SEMA6A: variants seen among roughly 807,000 people sequenced by gnomAD.
SEMA6A encodes the protein semaphorin 6A.
A neutral mutation model predicts 96.8 loss-of-function variants in SEMA6A; 25 were observed. The observed-to-expected ratio is 0.26, with a 90% CI of 0.19 to 0.36. The LOEUF (loss-of-function observed/expected upper bound fraction) is 0.36, where lower values mean the gene tolerates loss of function less well. Among genes scored for constraint, SEMA6A ranks in the 10% least tolerant of loss-of-function variants. The probability of loss-of-function intolerance (pLI) is 1.00; values close to 1 mark genes in which losing one functional copy is unlikely to be tolerated. For synonymous variants in SEMA6A, 612 were observed against 518.0 expected (o/e 1.18, Z -2.46); for missense variants, 1,363 against 1,323.1 (o/e 1.03, Z -0.47).
chr5:116,565,977 T>C (rs1220123271), intron 1 of SEMA6A, among the ~76,000 whole-genome samples: 1 of 152,184 alleles, frequency 6.6e-6, no homozygotes, highest in East Asian at 1.9e-4. Context: ...CTGAATACTT[T>C]TCTTTAAAAA....
At chr5:116,486,499 T>G in intron 10 of SEMA6A, 1 of 415,340 alleles carries the variant, frequency 2.4e-6, no homozygotes, top group Non-Finnish European at 4.3e-6. Context: ...AAAAAGTGTT[T>G]ATATACCAGG....
In SEMA6A at chr5:116,444,054, C is replaced by CTA. The variant is rs1754042117; in HGVS notation, c.*2558_*2559insTA. On this transcript the variant is annotated 3_prime_UTR_variant, in exon 19 of 19. Transcript: ENST00000343348. ...TGATGGGTGCTGCACTGCCAGTACT[C>CTA]TCGGGAGTCAAGCATGGGAAAGAAG... 1 of 152,040 alleles carries CTA rather than the reference C, an allele frequency of 6.6e-6. No homozygotes were observed. The highest frequency in any genetic ancestry group is 2.4e-5 in the African/African-American group (1 of 41,356). The allele number at this position is 152,040 out of a possible 1,614,324, so 9.4% of individuals were successfully genotyped here.
intron 18 of SEMA6A, 50 bp downstream of exon 18, chr5:116,467,533 A>G (rs1197220279): frequency 1.3e-6 from 2 of 1,552,260 alleles, no homozygotes; most frequent in Non-Finnish European, 1.7e-6. Flanking sequence ...AGTCCTCCCC[A>G]CTTTTCCCTC....
At chr5:116,497,170 A>C (rs143640855) in intron 4 of SEMA6A, among the ~76,000 whole-genome samples, 157 bp downstream of exon 4, 1,942 of 152,358 alleles carry the variant, frequency 0.013, 21 homozygotes, top group Middle Eastern at 0.044. Context: ...CATGTATCAA[A>C]TCCTAACCTA....
chr5:116,450,177 G>T (rs1313193501), intron 18 of SEMA6A, among the ~76,000 whole-genome samples: 1 of 152,142 alleles, frequency 6.6e-6, no homozygotes, highest in African/African-American at 2.4e-5. Context: ...TGGATAAAAT[G>T]GTTTTAATTT....
In SEMA6A at chr5:116,540,135, A is replaced by AT. The variant is rs570790307; in HGVS notation, c.-39+34049dup. ...TTGATCTTTATATGCTCAGTCTGAT[A>AT]TTTTTTCCAAAAAATGTGATAGGAT... On this transcript the variant is annotated intron_variant, in intron 1 of 18. Transcript: ENST00000343348. Among the ~76,000 whole-genome samples the AT allele has an allele frequency of 2.3e-4, 35 of 152,130 alleles. No individual in the cohort carries two copies. In the East Asian group the frequency reaches 6.4e-3, roughly 28 times the overall value.
At chr5:116,465,205 C>T (rs1755654408) in intron 18 of SEMA6A, among the ~76,000 whole-genome samples, 2 of 152,068 alleles carry the variant, frequency 1.3e-5, no homozygotes, top group South Asian at 2.1e-4. Context: ...ATCACAGATT[C>T]GTTCAAGTTA....
intron 1 of SEMA6A, among the ~76,000 whole-genome samples, chr5:116,543,769 T>G (rs10073342): frequency 0.027 from 4,096 of 152,260 alleles, 160 homozygotes; most frequent in African/African-American, 0.094. Context: ...GACAATATGA[T>G]AAGGCAAGCA....
At chr5:116,534,244 C>T (rs1157090903) in intron 1 of SEMA6A, among the ~76,000 whole-genome samples, 1 of 152,196 alleles carries the variant, frequency 6.6e-6, no homozygotes, top group Non-Finnish European at 1.5e-5. Context: ...ACTAGAATTC[C>T]TTCCCTTCCC....
At chr5:116,501,812 A>C (rs1757894771) in intron 3 of SEMA6A, among the ~76,000 whole-genome samples, 1 of 152,118 alleles carries the variant, frequency 6.6e-6, no homozygotes, top group South Asian at 2.1e-4. Flanking sequence ...GCTTGAACCC[A>C]GGAGAGGGAG....
At chr5:116,456,705 A>G (rs1030001013) in intron 18 of SEMA6A, among the ~76,000 whole-genome samples, 1 of 152,186 alleles carries the variant, frequency 6.6e-6, no homozygotes, top group East Asian at 1.9e-4. Context: ...GAGCTCACGT[A>G]TGTCCTAGAT....
intron 5 of SEMA6A, chr5:116,495,903 G>A (rs1057457844): frequency 1.8e-5 from 6 of 324,610 alleles, no homozygotes; most frequent in East Asian, 7.9e-5. Flanking sequence ...GCATGTCTGC[G>A]GCAGCCTTTT....
At chr5:116,541,380 C>T (rs957099474) in intron 1 of SEMA6A, among the ~76,000 whole-genome samples, 1 of 152,092 alleles carries the variant, frequency 6.6e-6, no homozygotes, top group African/African-American at 2.4e-5. Context: ...TTCAATAACA[C>T]TTGAAAGCAA....
intron 1 of SEMA6A, among the ~76,000 whole-genome samples, chr5:116,523,254 C>T (rs959397463): frequency 9.2e-5 from 14 of 152,140 alleles, no homozygotes; most frequent in Non-Finnish European, 1.8e-4. Flanking sequence ...CTTTTCTCAC[C>T]GGGTGGGTCA....
Position 116,447,018 on chromosome 5 carries a change from A to T in SEMA6A, c.2688T>A (p.Ser896=). 1 of 1,613,870 alleles carries T rather than the reference A, an allele frequency of 6.2e-7. No homozygotes were observed. The highest frequency in any genetic ancestry group is 8.5e-7 in the Non-Finnish European group (1 of 1,179,846). Reference sequence around the variant, plus strand: ...CCAGCCGCTTGCTTAGACCGGTCTGAGACAGGGAGGCTCCCGGGGGACCCA... The same window carrying T: ...CCAGCCGCTTGCTTAGACCGGTCTGTGACAGGGAGGCTCCCGGGGGACCCA... ...ASLGPPGASL[S]QTGLSKRLEM... The change falls in exon 19 of 19, where the codon TCT becomes TCA. Residue 896 remains serine (S), a synonymous_variant. Coordinates refer to ENST00000343348, the MANE Select transcript of SEMA6A (RefSeq NM_020796.5).
chr5:116,473,857 G>T (rs961164821), intron 16 of SEMA6A, among the ~76,000 whole-genome samples: 2 of 152,212 alleles, frequency 1.3e-5, no homozygotes, highest in African/African-American at 4.8e-5. Context: ...CAGAGGGGCA[G>T]CCTTACCTCC....
Position 116,486,780 on chromosome 5 carries a change from C to G in SEMA6A, c.931G>C (p.Val311Leu). 6.2e-7 allele frequency: 1 copy of G among 1,613,784 alleles called. No individual in the cohort carries two copies. The highest frequency in any genetic ancestry group is 8.5e-7 in the Non-Finnish European group (1 of 1,179,772). The change falls in exon 10 of 19, where the codon GTC becomes CTC. Residue 311 changes from valine to leucine, a missense_variant. Physicochemically the swap from Val to Leu is conservative, Grantham distance 32. Transcript: ENST00000343348. ...DVIRINGRDV[V>L]LATFSTPYNS... ...TAAGGTGTAGAAAACGTTGCCAGGA[C>G]AACATCACGCCCGTTGATACGAATC... is the stretch of plus-strand genomic sequence containing the variant.
intron 10 of SEMA6A, among the ~76,000 whole-genome samples, chr5:116,484,578 G>A (rs527657256): frequency 6.6e-6 from 1 of 151,810 alleles, no homozygotes; most frequent in Non-Finnish European, 1.5e-5. Flanking sequence ...GAGTAGAGAT[G>A]GCTCATTGCA....
intron 15 of SEMA6A, among the ~76,000 whole-genome samples, chr5:116,476,305 C>T (rs1756442751): frequency 6.6e-6 from 1 of 152,170 alleles, no homozygotes; most frequent in Non-Finnish European, 1.5e-5. Context: ...ATAAGCACAC[C>T]AGAGTCACCT....
Sources: allele counts gnomAD v4.1 joint callset (sites outside exome capture counted in the v4.1 genomes callset), GRCh38; gene constraint gnomAD v4.1.1; transcripts MANE v1.5; gene names NCBI Gene and HGNC (gene_info 2026-07-23, HGNC 2026-07-21).